Variants in FANK1 observed in about 807,000 individuals in gnomAD.
FANK1 encodes fibronectin type 3 and ankyrin repeat domains protein 1.
Under a neutral mutation model 45.3 loss-of-function variants are expected in FANK1, and 44 were observed. The ratio of observed to expected loss-of-function variants is 0.97; its 90% CI spans 0.76 to 1.25. The LOEUF is 1.25. Ranked by LOEUF, FANK1 falls within the 50% of genes most tolerant of loss-of-function variation. The pLI, the probability that FANK1 is intolerant of heterozygous loss-of-function variation, is 0.00. For synonymous variants in FANK1, 149 were observed against 152.5 expected (o/e 0.98, Z 0.17); for missense variants, 391 against 424.4 (o/e 0.92, Z 0.69).
In FANK1 at chr10:125,907,557, G is replaced by A. The variant is rs1055890529; in HGVS notation, c.13+10902G>A. ...TGACGTAATATTGCAAATGTGATGG[G>A]TTGTTACTCCTGGGATGTGTGTGTG... On this transcript the variant is annotated intron_variant, in intron 1 of 10. Coordinates refer to ENST00000368693, the MANE Select transcript of FANK1 (RefSeq NM_145235.5). 5 of 978,272 alleles carry A rather than the reference G, an allele frequency of 5.1e-6. No individual in the cohort carries two copies. In the African/African-American group the frequency reaches 8.9e-5, roughly 17 times the overall value. 60.6% of individuals were successfully genotyped at this position (978,272 alleles called of 1,614,324 possible).
intron 2 of FANK1, among the ~76,000 whole-genome samples, chr10:125,986,296 A>G (rs976898952): frequency 2.6e-5 from 4 of 152,102 alleles, no homozygotes; most frequent in African/African-American, 9.7e-5. Flanking sequence ...CTGGTGCTAC[A>G]CCCGAGAAGT....
intron 1 of FANK1, among the ~76,000 whole-genome samples, chr10:125,934,724 G>A (rs888433193): frequency 3.0e-4 from 8 of 26,418 alleles, no homozygotes; most frequent in African/African-American, 5.0e-4. Context: ...TACCCCTACC[G>A]TTTTTTTTTT....
intron 1 of FANK1, among the ~76,000 whole-genome samples, chr10:125,964,176 TTCTC>T (rs1312262286): frequency 6.6e-4 from 98 of 149,058 alleles, no homozygotes; most frequent in South Asian, 4.6e-3. Flanking sequence ...GATTATATCA[TTCTC>T]TCTCTCTTTT....
chr10:125,913,445 T>C (rs946323055), intron 1 of FANK1, among the ~76,000 whole-genome samples: 4 of 152,146 alleles, frequency 2.6e-5, no homozygotes, highest in African/African-American at 9.7e-5. Flanking sequence ...GTCCTGGCGC[T>C]CAGCTTCATT....
At chr10:125,958,536 C>A (rs984438611) in intron 1 of FANK1, among the ~76,000 whole-genome samples, 2 of 152,134 alleles carry the variant, frequency 1.3e-5, no homozygotes, top group East Asian at 1.9e-4. Flanking sequence ...CCATGCCAAG[C>A]CTTTTGTAGT....
intron 1 of FANK1, among the ~76,000 whole-genome samples, chr10:125,926,172 C>A (rs1215807054): frequency 6.6e-6 from 1 of 152,112 alleles, no homozygotes; most frequent in Non-Finnish European, 1.5e-5. Context: ...ATATTTTCAA[C>A]TTTTTATTTT....
Position 125,994,900 on chromosome 10 carries a change from C to T in FANK1, c.317-517C>T, listed in dbSNP as rs1234317086. 7 of 985,292 alleles carry T rather than the reference C, an allele frequency of 7.1e-6. No individual in the cohort carries two copies. In the African/African-American group the frequency reaches 8.7e-5, roughly 12 times the overall value. The allele number at this position is 985,292 out of a possible 1,614,324, so 61.0% of individuals were successfully genotyped here. Reference sequence around the variant, plus strand: ...AATTGGCTTTTCTCCTGGTGCTCCCCACCTTCCTGTGGGTCGAAGCCCTTC... The same window carrying T: ...AATTGGCTTTTCTCCTGGTGCTCCCTACCTTCCTGTGGGTCGAAGCCCTTC... On this transcript the variant is annotated intron_variant, in intron 3 of 10. Coordinates refer to ENST00000368693, the MANE Select transcript of FANK1 (RefSeq NM_145235.5).
intron 3 of FANK1, chr10:125,994,570 G>C: frequency 1.0e-6 from 1 of 985,392 alleles, no homozygotes; most frequent in Non-Finnish European, 1.2e-6. Context: ...GGGTACTTAC[G>C]ATGTGTCAGG....
At chr10:125,910,318 CT>C (rs536464154) in intron 1 of FANK1, among the ~76,000 whole-genome samples, 59 of 147,076 alleles carry the variant, frequency 4.0e-4, no homozygotes, top group South Asian at 8.6e-4. Flanking sequence ...ACTTTGTTTT[CT>C]TTTTACTCTT....
intron 1 of FANK1, among the ~76,000 whole-genome samples, chr10:125,910,815 A>G (rs950563935): frequency 6.6e-5 from 10 of 152,130 alleles, no homozygotes; most frequent in Non-Finnish European, 1.3e-4. Flanking sequence ...TGGGCGGATC[A>G]TGAGGTTAGG....
At chr10:125,956,770 C>T (rs922289499) in intron 1 of FANK1, among the ~76,000 whole-genome samples, 1 of 152,096 alleles carries the variant, frequency 6.6e-6, no homozygotes, top group Non-Finnish European at 1.5e-5. Context: ...TCCGACAAGC[C>T]AGAAGGAAGA....
At chr10:125,954,579 A>AT (rs61639649) in intron 1 of FANK1, among the ~76,000 whole-genome samples, 38 of 151,058 alleles carry the variant, frequency 2.5e-4, no homozygotes, top group South Asian at 1.3e-3. Context: ...TAGTTCATGG[A>AT]TTTTTTTTTT....
chr10:125,968,604 T>C (rs7915253), intron 1 of FANK1, among the ~76,000 whole-genome samples: 11 of 152,238 alleles, frequency 7.2e-5, no homozygotes, highest in African/African-American at 2.7e-4. Flanking sequence ...ATACAGTGTA[T>C]GATCACCACT....
chr10:125,923,013 CT>C (rs1358459112), intron 1 of FANK1, among the ~76,000 whole-genome samples: 3 of 151,680 alleles, frequency 2.0e-5, no homozygotes, highest in Non-Finnish European at 4.4e-5. Flanking sequence ...GTTGGTTTCT[CT>C]TTTTCTTGTA....
intron 1 of FANK1, among the ~76,000 whole-genome samples, chr10:125,917,876 AG>A (rs1167512713): frequency 3.3e-5 from 5 of 152,308 alleles, no homozygotes; most frequent in African/African-American, 1.2e-4. Flanking sequence ...TCAGCCCAAG[AG>A]TTCAAGACCA....
At chr10:125,911,107 G>C (rs1385901390) in intron 1 of FANK1, among the ~76,000 whole-genome samples, 1 of 152,156 alleles carries the variant, frequency 6.6e-6, no homozygotes, top group African/African-American at 2.4e-5. Flanking sequence ...AGCCAAAGGG[G>C]CCTTGGGAGT....
At chr10:125,971,927 G>C (rs137928514) in intron 1 of FANK1, among the ~76,000 whole-genome samples, 1 of 151,986 alleles carries the variant, frequency 6.6e-6, no homozygotes, top group Non-Finnish European at 1.5e-5. Context: ...GCGCCCGGCC[G>C]CTCCGGTCTA....
intron 1 of FANK1, among the ~76,000 whole-genome samples, chr10:125,901,317 C>T (rs1426048258): frequency 2.6e-5 from 4 of 152,196 alleles, no homozygotes; most frequent in Admixed American, 1.3e-4. Context: ...TCTGTTTATT[C>T]CACTTCCAAA....
intron 1 of FANK1, among the ~76,000 whole-genome samples, chr10:125,941,477 C>T (rs537605127): frequency 8.5e-5 from 13 of 152,260 alleles, no homozygotes; most frequent in African/African-American, 2.9e-4. Context: ...ATAATCACTT[C>T]GAGAAACAAT....
Sources: allele counts gnomAD v4.1 joint callset (sites outside exome capture counted in the v4.1 genomes callset), GRCh38; gene constraint gnomAD v4.1.1; transcripts MANE v1.5; gene names NCBI Gene and HGNC (gene_info 2026-07-23, HGNC 2026-07-21).